LRBA: variants seen among roughly 807,000 people sequenced by gnomAD.
The protein encoded by LRBA is LPS responsive beige-like anchor protein.
A neutral mutation model predicts 330.0 loss-of-function variants in LRBA; 176 were observed. The ratio of observed to expected loss-of-function variants is 0.53; its 90% CI spans 0.47 to 0.60. LRBA has a LOEUF of 0.60. Ranked by LOEUF, LRBA falls within the 20% of genes least tolerant of loss-of-function variation. LRBA has a pLI of 0.00. For synonymous variants in LRBA, 1,230 were observed against 1,193.0 expected (o/e 1.03, Z -0.64); for missense variants, 3,259 against 3,444.8 (o/e 0.95, Z 1.35).
chr4:150,846,529 CAAA>C (rs546817482), intron 26 of LRBA, among the ~76,000 whole-genome samples: 2 of 104,652 alleles, frequency 1.9e-5, no homozygotes, highest in Admixed American at 1.0e-4. Flanking sequence ...GCTCCATCTC[CAAA>C]AAAAAAAAAA....
At chr4:150,577,454 T>C (rs1048836897) in intron 40 of LRBA, among the ~76,000 whole-genome samples, 1 of 151,356 alleles carries the variant, frequency 6.6e-6, no homozygotes, top group South Asian at 2.1e-4. Flanking sequence ...GTATGTAGAA[T>C]GATTAAGTAT....
intron 2 of LRBA, among the ~76,000 whole-genome samples, chr4:151,000,907 A>C (rs1208556055): frequency 1.3e-5 from 2 of 152,218 alleles, no homozygotes; most frequent in African/African-American, 4.8e-5. Flanking sequence ...GCCGAGAGAC[A>C]ATCCCCACTG....
intron 34 of LRBA, among the ~76,000 whole-genome samples, chr4:150,793,848 G>A (rs1183981943): frequency 6.6e-6 from 1 of 152,160 alleles, no homozygotes; most frequent in Non-Finnish European, 1.5e-5. Flanking sequence ...AAGCCATAAT[G>A]TGCTAGGTAC....
At chr4:150,747,036 A>G (rs1484483462) in intron 35 of LRBA, among the ~76,000 whole-genome samples, 3 of 152,134 alleles carry the variant, frequency 2.0e-5, no homozygotes, top group Admixed American at 2.0e-4. Context: ...ATGATCTACA[A>G]AAGAGACTAA....
chr4:150,767,418 A>G (rs1045676422), intron 34 of LRBA, among the ~76,000 whole-genome samples: 2 of 152,180 alleles, frequency 1.3e-5, no homozygotes, highest in African/African-American at 2.4e-5. Context: ...AGCCATGAAT[A>G]CTGATTAACA....
intron 47 of LRBA, among the ~76,000 whole-genome samples, chr4:150,376,293 T>C (rs1741310944): frequency 6.6e-6 from 1 of 152,152 alleles, no homozygotes; most frequent in African/African-American, 2.4e-5. Flanking sequence ...GTAGTTTATC[T>C]CAGAAATAAA....
chr4:150,526,584 C>T (rs6831707), intron 40 of LRBA, among the ~76,000 whole-genome samples: 22,536 of 151,978 alleles, frequency 0.15, 1,695 homozygotes, highest in Middle Eastern at 0.18. Flanking sequence ...CTTTTTATTA[C>T]GAAAATTTTC....
chr4:150,695,335 G>A (rs1391760526), intron 36 of LRBA, among the ~76,000 whole-genome samples: 1 of 152,006 alleles, frequency 6.6e-6, no homozygotes, highest in East Asian at 1.9e-4. Context: ...GTTTTGTTTT[G>A]TTTTTGAGTC....
intron 46 of LRBA, among the ~76,000 whole-genome samples, chr4:150,433,107 T>G (rs993384145): frequency 6.6e-6 from 1 of 152,154 alleles, no homozygotes; most frequent in African/African-American, 2.4e-5. Flanking sequence ...AATTTTGTGC[T>G]TCCAAACATA....
At chr4:150,990,128 A>C (rs992227626) in intron 2 of LRBA, among the ~76,000 whole-genome samples, 1 of 152,208 alleles carries the variant, frequency 6.6e-6, no homozygotes, top group Non-Finnish European at 1.5e-5. Flanking sequence ...GTAAGGGTGG[A>C]TATCTTGAGG....
At position 150,683,628 on chromosome 4, in the gene LRBA, C is replaced by T. The variant is rs773660646; in HGVS notation, c.5844G>A (p.Val1948=). 3 of 1,613,402 alleles carry T rather than the reference C, an allele frequency of 1.9e-6. No individual in the cohort carries two copies. The highest frequency in any genetic ancestry group is 1.1e-5 in the South Asian group (1 of 91,046). The change falls in exon 37 of 57, where the codon GTG becomes GTA. Residue 1948 remains valine, a synonymous_variant. Coordinates refer to ENST00000651943, the MANE Select transcript of LRBA (RefSeq NM_001364905.1). ...TTTTCTGGATTAGTTGAGTTGCTGTCACGTGGTCACGATATTTTGCTGCTC... is the reference window on the plus strand; with the variant it reads ...TTTTCTGGATTAGTTGAGTTGCTGTTACGTGGTCACGATATTTTGCTGCTC... The part of the protein sequence containing the change: ...LIRAAKYRDH[V]TATQLIQKII...
At chr4:150,467,953 T>G (rs1426238929) in intron 43 of LRBA, among the ~76,000 whole-genome samples, 168 bp from the exon 44 acceptor site, 1 of 152,060 alleles carries the variant, frequency 6.6e-6, no homozygotes, top group Non-Finnish European at 1.5e-5. Flanking sequence ...TATGAAATTG[T>G]ATCATCTCCA....
chr4:150,742,122 TA>T (rs1261242493), intron 35 of LRBA, among the ~76,000 whole-genome samples: 1 of 141,998 alleles, frequency 7.0e-6, no homozygotes, highest in Non-Finnish European at 1.5e-5. Context: ...ATAGAATTAT[TA>T]TTATTATCAT....
intron 28 of LRBA, among the ~76,000 whole-genome samples, chr4:150,837,725 T>C (rs1035082277): frequency 5.3e-5 from 8 of 152,250 alleles, no homozygotes; most frequent in Non-Finnish European, 7.3e-5. Flanking sequence ...AGCACACTGA[T>C]GGGTCTTGAC....
chr4:150,916,591 C>T, intron 6 of LRBA, 26 bp downstream of exon 6: 2 of 1,602,890 alleles, frequency 1.2e-6, no homozygotes, highest in Non-Finnish European at 1.7e-6. Context: ...AAGGTTTTAA[C>T]ACTAATCAGT....
chr4:150,826,511 G>A (rs1212819394), intron 30 of LRBA, among the ~76,000 whole-genome samples: 1 of 152,164 alleles, frequency 6.6e-6, no homozygotes, highest in African/African-American at 2.4e-5. Context: ...AACACCAGCT[G>A]CAAGTCTGTT....
At chr4:150,939,418 T>C (rs1735435041) in intron 2 of LRBA, among the ~76,000 whole-genome samples, 1 of 152,152 alleles carries the variant, frequency 6.6e-6, no homozygotes, top group Non-Finnish European at 1.5e-5. Flanking sequence ...TGCCAAAGAA[T>C]GTCAAAGATT....
rs764124658 is a variant in LRBA at position 150,908,434 on chromosome 4, T to G, written c.1393A>C (p.Ser465Arg). Reference protein sequence around the residue: ...VKAVLTHSIQSAMHSIGGVQV... With the variant: ...VKAVLTHSIQRAMHSIGGVQV... Reference sequence around the variant, plus strand: ...ACTCCTCCAATTGAATGCATTGCACTTTGGATGGAATGTGTTAAAACTGCC... The same window carrying G: ...ACTCCTCCAATTGAATGCATTGCACGTTGGATGGAATGTGTTAAAACTGCC... Residue 465 changes from serine (S) to arginine (R), a missense_variant, in exon 11 of 57, where the codon AGT becomes CGT. Coordinates refer to ENST00000651943, the MANE Select transcript of LRBA (RefSeq NM_001364905.1). The G allele has an allele frequency of 6.2e-7, 1 of 1,606,920 alleles. No individual in the cohort carries two copies. Among genetic ancestry groups the G allele is most frequent in the Non-Finnish European group, 8.5e-7 (1 of 1,178,384 alleles).
At chr4:150,450,012 A>C (rs113698660) in intron 44 of LRBA, among the ~76,000 whole-genome samples, 1,571 of 152,306 alleles carry the variant, frequency 0.01, 30 homozygotes, top group African/African-American at 0.036. Flanking sequence ...CAGACTGGGC[A>C]TGAAAGCAAG....
Sources: allele counts gnomAD v4.1 joint callset (sites outside exome capture counted in the v4.1 genomes callset), GRCh38; gene constraint gnomAD v4.1.1; transcripts MANE v1.5; gene names NCBI Gene and HGNC (gene_info 2026-07-23, HGNC 2026-07-21).